The following ANK2 variants were observed in gnomAD, a reference collection of about 807,000 sequenced individuals.
The protein encoded by ANK2 is ankyrin-2.
In ANK2, 83 loss-of-function variants were observed where a neutral mutation model predicts 360.5. The ratio of observed to expected loss-of-function variants is 0.23; its 90% CI spans 0.19 to 0.28. The LOEUF (loss-of-function observed/expected upper bound fraction) is 0.28, where lower values mean the gene tolerates loss of function less well. ANK2 is among the 10% of genes least tolerant of loss of function. The pLI, the probability that ANK2 is intolerant of heterozygous loss-of-function variation, is 1.00. For missense variants in ANK2, 4,201 were observed against 4,795.7 expected (o/e 0.88, Z 3.66); for synonymous variants, 1,740 against 1,759.5 (o/e 0.99, Z 0.28).
the ANK2 span, among the ~76,000 whole-genome samples, chr4:112,807,196 A>C: frequency 6.6e-6 from 1 of 152,210 alleles, no homozygotes; most frequent in Non-Finnish European, 1.5e-5. Flanking sequence ...GCTGTGCTGC[A>C]ACTCTGTTCC....
intron 22 of ANK2, 111 bp from the exon 23 acceptor site, chr4:113,302,656 C>T (rs904404735): frequency 1.2e-6 from 1 of 832,768 alleles, no homozygotes; most frequent in African/African-American, 1.7e-5. Context: ...ATCCCGTAGT[C>T]ATGGCTCGAT....
At chr4:112,988,144 A>G (rs1302230401) in intron 2 of ANK2, among the ~76,000 whole-genome samples, 1 of 152,140 alleles carries the variant, frequency 6.6e-6, no homozygotes, top group Non-Finnish European at 1.5e-5. Flanking sequence ...GGGAAATAAG[A>G]TATCTTTTAG....
intron 15 of ANK2, among the ~76,000 whole-genome samples, chr4:113,277,473 A>G (rs1481971507): frequency 2.0e-5 from 3 of 151,746 alleles, no homozygotes; most frequent in African/African-American, 7.3e-5. Context: ...GTTGGAGAGA[A>G]GGCAGCTGTT....
At chr4:113,146,859 T>C (rs1290402234) in intron 1 of ANK2, among the ~76,000 whole-genome samples, 3 of 152,190 alleles carry the variant, frequency 2.0e-5, no homozygotes, top group Admixed American at 2.0e-4. Context: ...ATATGTAGGA[T>C]TTCTGAGTAA....
At chr4:112,775,713 T>G in the ANK2 span, among the ~76,000 whole-genome samples, 2 of 152,090 alleles carry the variant, frequency 1.3e-5, no homozygotes, top group Admixed American at 6.6e-5. Flanking sequence ...TGAGTTACAC[T>G]GGGAGTATTC....
intron 1 of ANK2, among the ~76,000 whole-genome samples, chr4:113,081,828 A>T (rs546728014): frequency 9.5e-5 from 13 of 136,672 alleles, no homozygotes; most frequent in Admixed American, 4.5e-4. Context: ...TTTTTTTTTG[A>T]GATGGAGTTT....
intron 1 of ANK2, among the ~76,000 whole-genome samples, chr4:112,897,483 T>C (rs2082095707): frequency 6.6e-6 from 1 of 152,182 alleles, no homozygotes; most frequent in Non-Finnish European, 1.5e-5. Flanking sequence ...CTTTATTTTT[T>C]ACATTTCATA....
the ANK2 span, among the ~76,000 whole-genome samples, chr4:112,742,675 T>C: frequency 6.6e-6 from 1 of 152,064 alleles, no homozygotes; most frequent in Non-Finnish European, 1.5e-5. Flanking sequence ...CAAAATTCCA[T>C]TATAATCATT....
At chr4:113,049,392 G>C (rs887706245), upstream of ANK2, among the ~76,000 whole-genome samples, 1 of 152,160 alleles carries the variant, frequency 6.6e-6, no homozygotes, top group Non-Finnish European at 1.5e-5. Context: ...TACAGGTTTT[G>C]TGTGTAGGTT....
chr4:112,975,750 A>G (rs937696389), intron 2 of ANK2, among the ~76,000 whole-genome samples: 1 of 152,174 alleles, frequency 6.6e-6, no homozygotes, highest in East Asian at 1.9e-4. Context: ...TAATCAGGTA[A>G]CAGATCTCTG....
intron 26 of ANK2, among the ~76,000 whole-genome samples, chr4:113,327,599 G>T (rs942272300): frequency 6.6e-6 from 1 of 152,162 alleles, no homozygotes; most frequent in Non-Finnish European, 1.5e-5. Context: ...ACTGTGCCAG[G>T]CTCTAGAGGA....
chr4:113,151,256 CA>C, intron 1 of ANK2: 2 of 685,728 alleles, frequency 2.9e-6, no homozygotes, highest in Non-Finnish European at 4.1e-6. Flanking sequence ...TGTCGTAGTT[CA>C]TTTGTGTAGC....
At chr4:112,878,655 AC>A (rs2075851758) in intron 1 of ANK2, among the ~76,000 whole-genome samples, 1 of 150,156 alleles carries the variant, frequency 6.7e-6, no homozygotes, top group Non-Finnish European at 1.5e-5. Flanking sequence ...TGTTTTTTAG[AC>A]GGAGTCTCGC....
intron 26 of ANK2, among the ~76,000 whole-genome samples, chr4:113,325,423 T>C (rs1414327181): frequency 1.3e-5 from 2 of 152,118 alleles, no homozygotes; most frequent in Non-Finnish European, 2.9e-5. Flanking sequence ...TTAGTATAAG[T>C]CTCCCATTTT....
chr4:112,768,357 G>A, the ANK2 span, among the ~76,000 whole-genome samples: 1 of 152,012 alleles, frequency 6.6e-6, no homozygotes, highest in African/African-American at 2.4e-5. Flanking sequence ...GGGCTCAAGA[G>A]ATCTTCCCAT....
chr4:113,046,302 T>C (rs2154318198), upstream of ANK2, among the ~76,000 whole-genome samples: 1 of 152,316 alleles, frequency 6.6e-6, no homozygotes, highest in South Asian at 2.1e-4. Context: ...TGTTATACTG[T>C]ATAGCATTTG....
At chr4:112,849,699 CT>C (rs1283766720) in intron 1 of ANK2, among the ~76,000 whole-genome samples, 2 of 152,204 alleles carry the variant, frequency 1.3e-5, no homozygotes, top group African/African-American at 4.8e-5. Context: ...ACCTTTCCAG[CT>C]TCATCTTTTG....
At chr4:112,893,089 A>T (rs1042321873) in intron 1 of ANK2, among the ~76,000 whole-genome samples, 2 of 152,210 alleles carry the variant, frequency 1.3e-5, no homozygotes, top group African/African-American at 4.8e-5. Context: ...TCTTATAAAC[A>T]ATCCTGGAAA....
chr4:113,034,744 T>C (rs896795756), intron 2 of ANK2: 11 of 152,002 alleles, frequency 7.2e-5, no homozygotes, highest in Non-Finnish European at 1.5e-4. Flanking sequence ...TAGGCTACCA[T>C]GATGGGGAAA....
Sources: allele counts gnomAD v4.1 joint callset (sites outside exome capture counted in the v4.1 genomes callset), GRCh38; gene constraint gnomAD v4.1.1; transcripts MANE v1.5; gene names NCBI Gene and HGNC (gene_info 2026-07-23, HGNC 2026-07-21).